SKI: variants seen among roughly 807,000 people sequenced by gnomAD.
SKI encodes ski oncogene.
SKI carries 23 observed loss-of-function variants against 59.3 expected under a neutral mutation model. That is an observed-to-expected ratio of 0.39 (90% confidence interval 0.28 to 0.55). SKI has a LOEUF of 0.55. Among genes scored for constraint, SKI ranks in the 20% least tolerant of loss-of-function variants. The probability of loss-of-function intolerance (pLI) is 0.67; values close to 1 mark genes in which losing one functional copy is unlikely to be tolerated. For missense variants in SKI, 1,017 were observed against 1,038.9 expected, an observed-to-expected ratio of 0.98 and a Z score of 0.29; for synonymous variants, 673 against 488.6, an observed-to-expected ratio of 1.38 and a Z score of -4.98.
intron 1 of SKI, among the ~76,000 whole-genome samples, chr1:2,264,421 A>C (rs1339033791): frequency 6.6e-6 from 1 of 151,956 alleles, no homozygotes; most frequent in Non-Finnish European, 1.5e-5. Context: ...GGCACCCGCC[A>C]CCACACCTGG....
chr1:2,292,822 G>A (rs1050642624), intron 1 of SKI, among the ~76,000 whole-genome samples: 2 of 152,226 alleles, frequency 1.3e-5, no homozygotes, highest in African/African-American at 4.8e-5. Flanking sequence ...TCCTGAAGGT[G>A]CAGGAAGGCA....
At chr1:2,242,274 A>G (rs1221579152) in intron 1 of SKI, among the ~76,000 whole-genome samples, 1 of 152,184 alleles carries the variant, frequency 6.6e-6, no homozygotes, top group East Asian at 1.9e-4. Context: ...GTGCTCATCA[A>G]AGAACCCCAG....
intron 1 of SKI, among the ~76,000 whole-genome samples, chr1:2,271,138 C>T (rs558718303): frequency 1.3e-5 from 2 of 152,248 alleles, no homozygotes; most frequent in South Asian, 2.1e-4. Context: ...CAAGCCTGGG[C>T]TCCTTTGTGA....
chr1:2,247,866 C>G (rs1462196872), intron 1 of SKI: 1 of 152,410 alleles, frequency 6.6e-6, no homozygotes, highest in African/African-American at 2.4e-5. Context: ...GCCTCCTTCC[C>G]CTGGATGCGC....
intron 1 of SKI, among the ~76,000 whole-genome samples, chr1:2,293,265 G>T (rs1286444275): frequency 6.6e-6 from 1 of 152,190 alleles, no homozygotes; most frequent in African/African-American, 2.4e-5. Flanking sequence ...TGTTAGACCT[G>T]AGGTTCGTGG....
chr1:2,239,181 G>A (rs924402959), intron 1 of SKI, among the ~76,000 whole-genome samples: 2 of 152,260 alleles, frequency 1.3e-5, no homozygotes, highest in Admixed American at 6.5e-5. Context: ...GTTCATGTGT[G>A]AAGTGCCTTG....
Position 2,228,730 on chromosome 1 carries a change from G to A in SKI, c.-37G>A, listed in dbSNP as rs1043680287. On this transcript the variant is annotated 5_prime_UTR_variant, in exon 1 of 7. Transcript: ENST00000378536. Reference sequence around the variant, plus strand: ...GCGGGGGCCGGGGGGGCCCGGGCGCGCGGGAGCGGGAGCGGCCGGGGGAGC... The same window carrying A: ...GCGGGGGCCGGGGGGGCCCGGGCGCACGGGAGCGGGAGCGGCCGGGGGAGC... The A allele has an allele frequency of 5.8e-6, 6 of 1,037,060 alleles. No individual in the cohort carries two copies. The highest frequency in any genetic ancestry group is 1.7e-5 in the African/African-American group (1 of 57,526). 64.2% of individuals were successfully genotyped at this position (1,037,060 alleles called of 1,614,324 possible).
At chr1:2,253,758 G>A (rs1639216112) in intron 1 of SKI, among the ~76,000 whole-genome samples, 1 of 152,222 alleles carries the variant, frequency 6.6e-6, no homozygotes, top group South Asian at 2.1e-4. Context: ...TCGTGCCCTG[G>A]TGCGGCCCTG....
At chr1:2,298,203 G>C (rs1640334206) in intron 1 of SKI, among the ~76,000 whole-genome samples, 1 of 152,206 alleles carries the variant, frequency 6.6e-6, no homozygotes, top group Admixed American at 6.5e-5. Context: ...ATACATGCGC[G>C]CCCTCGTGGG....
At chr1:2,231,001 C>G (rs1237016162) in intron 1 of SKI, among the ~76,000 whole-genome samples, 2 of 152,186 alleles carry the variant, frequency 1.3e-5, no homozygotes, top group African/African-American at 4.8e-5. Context: ...GTGCGCGCTT[C>G]TGACCCTGCC....
At chr1:2,259,708 C>T (rs1569746132) in intron 1 of SKI, among the ~76,000 whole-genome samples, 1 of 152,210 alleles carries the variant, frequency 6.6e-6, no homozygotes, top group Admixed American at 6.5e-5. Context: ...TACCCACACC[C>T]CTTTCTCCCC....
chr1:2,289,099 C>T (rs1640107259), intron 1 of SKI, among the ~76,000 whole-genome samples: 1 of 152,202 alleles, frequency 6.6e-6, no homozygotes, highest in Admixed American at 6.5e-5. Flanking sequence ...TGCAGGAGAC[C>T]TGGTGGCTCA....
intron 1 of SKI, among the ~76,000 whole-genome samples, chr1:2,284,799 C>G (rs1256505015): frequency 6.6e-6 from 1 of 152,108 alleles, no homozygotes; most frequent in African/African-American, 2.4e-5. Context: ...GACACGGGGG[C>G]CCACCTTGGC....
At chr1:2,250,992 G>C (rs1438878577) in intron 1 of SKI, among the ~76,000 whole-genome samples, 1 of 152,226 alleles carries the variant, frequency 6.6e-6, no homozygotes, top group Admixed American at 6.5e-5. Context: ...GTAATCCGCC[G>C]AGGGGAACTT....
rs1414376928 is a variant in SKI at position 2,228,747 on chromosome 1, C to T, written c.-20C>T. Reference sequence around the variant, plus strand: ...CCGGGCGCGCGGGAGCGGGAGCGGCCGGGGGAGCCGGAGCGCACCATGGAG... The same window carrying T: ...CCGGGCGCGCGGGAGCGGGAGCGGCTGGGGGAGCCGGAGCGCACCATGGAG... On this transcript the variant is annotated 5_prime_UTR_variant, in exon 1 of 7. Coordinates refer to ENST00000378536, the MANE Select transcript of SKI (RefSeq NM_003036.4). The T allele has an allele frequency of 6.2e-6, 7 of 1,131,286 alleles. No individual in the cohort carries two copies. Among genetic ancestry groups the T allele is most frequent in the South Asian group, 3.0e-5 (1 of 33,850 alleles). 70.1% of individuals were successfully genotyped at this position (1,131,286 alleles called of 1,614,324 possible).
chr1:2,263,516 C>G (rs980354102), intron 1 of SKI, among the ~76,000 whole-genome samples: 1 of 150,924 alleles, frequency 6.6e-6, no homozygotes, highest in Non-Finnish European at 1.5e-5. Context: ...GGATTACAGG[C>G]GTGAGCCACT....
intron 1 of SKI, among the ~76,000 whole-genome samples, chr1:2,266,840 G>A (rs1466058041): frequency 6.6e-6 from 1 of 152,038 alleles, no homozygotes; most frequent in African/African-American, 2.4e-5. Context: ...TGAGGCTCTT[G>A]TTGTGGGAGA....
At chr1:2,230,659 A>G (rs1638614401) in intron 1 of SKI, among the ~76,000 whole-genome samples, 1 of 152,138 alleles carries the variant, frequency 6.6e-6, no homozygotes, top group East Asian at 1.9e-4. Flanking sequence ...AGGTGCCGAA[A>G]TTACTCAGTG....
intron 1 of SKI, among the ~76,000 whole-genome samples, chr1:2,251,441 A>G (rs2100823602): frequency 6.6e-6 from 1 of 151,990 alleles, no homozygotes; most frequent in East Asian, 1.9e-4. Context: ...GCCCCTGCTG[A>G]GGTCTTATTT....
Sources: gnomAD v4.1 joint callset for allele counts (sites outside exome capture counted in the v4.1 genomes callset) on GRCh38, gnomAD v4.1.1 for gene constraint, MANE v1.5 for transcripts, NCBI Gene and HGNC (gene_info 2026-07-23, HGNC 2026-07-21) for gene names.